Variants in ST18 observed in about 807,000 individuals in gnomAD.
ST18 encodes ST18 C2H2C-type zinc finger transcription factor, also known as suppression of tumorigenicity 18 protein.
In ST18, 50 loss-of-function variants were observed where a neutral mutation model predicts 110.0. The ratio of observed to expected loss-of-function variants is 0.45; its 90% CI spans 0.36 to 0.58. ST18 has a LOEUF of 0.58. ST18 is among the 20% of genes least tolerant of loss of function. ST18 has a pLI of 0.00. For synonymous variants in ST18, 461 were observed against 452.4 expected, an observed-to-expected ratio of 1.02 and a Z score of -0.24; for missense variants, 1,306 against 1,280.1, an observed-to-expected ratio of 1.02 and a Z score of -0.31.
rs1169024897 is a variant in ST18 at position 52,363,584 on chromosome 8, A to G, written c.-465+45744T>C. Among the ~76,000 whole-genome samples the G allele has an allele frequency of 2.0e-5, 3 of 152,218 alleles. No homozygotes were observed. In the East Asian group the frequency reaches 5.8e-4, roughly 29 times the overall value. On this transcript the variant is annotated intron_variant, in intron 2 of 25. Transcript: ENST00000689386. Reference sequence around the variant, plus strand: ...TTTATCATAATATTGGAATTGGCTTATAATTTTTTATCTAGCAGTGCCTTT... The same window carrying G: ...TTTATCATAATATTGGAATTGGCTTGTAATTTTTTATCTAGCAGTGCCTTT...
chr8:52,402,188 A>G (rs1842993693), intron 2 of ST18, among the ~76,000 whole-genome samples: 1 of 152,192 alleles, frequency 6.6e-6, no homozygotes, highest in Non-Finnish European at 1.5e-5. Flanking sequence ...CATTTTCCCC[A>G]CAGTGGGCAC....
At chr8:52,180,712 A>T (rs933211714) in intron 8 of ST18, among the ~76,000 whole-genome samples, 1 of 152,220 alleles carries the variant, frequency 6.6e-6, no homozygotes, top group Non-Finnish European at 1.5e-5. Context: ...AAGATTTTTC[A>T]AATAATTGTT....
chr8:52,324,965 T>C (rs1372044212), intron 2 of ST18, among the ~76,000 whole-genome samples: 4 of 152,230 alleles, frequency 2.6e-5, no homozygotes, highest in African/African-American at 9.6e-5. Context: ...GAAAAATAAG[T>C]TGGACATTTG....
chr8:52,385,162 T>C (rs1467131421), intron 2 of ST18, among the ~76,000 whole-genome samples: 1 of 152,190 alleles, frequency 6.6e-6, no homozygotes, highest in Non-Finnish European at 1.5e-5. Flanking sequence ...GAACTAGAAA[T>C]ACAGAATGTA....
intron 2 of ST18, among the ~76,000 whole-genome samples, chr8:52,264,215 T>C (rs16917601): frequency 0.039 from 5,882 of 152,298 alleles, 399 homozygotes; most frequent in African/African-American, 0.13. Flanking sequence ...TAGGGTATGG[T>C]GTCCTAATTC....
intron 2 of ST18, among the ~76,000 whole-genome samples, chr8:52,318,096 C>T (rs2096062047): frequency 6.6e-6 from 1 of 152,010 alleles, no homozygotes; most frequent in Admixed American, 6.6e-5. Context: ...AATGCACAAC[C>T]TACAGAATGG....
chr8:52,208,297 T>C (rs1321381021), intron 8 of ST18, among the ~76,000 whole-genome samples: 2 of 152,194 alleles, frequency 1.3e-5, no homozygotes, highest in African/African-American at 4.8e-5. Context: ...AAAATAGCCA[T>C]AACTTTTACA....
At chr8:52,296,761 T>C (rs1235338648) in intron 2 of ST18, among the ~76,000 whole-genome samples, 2 of 152,120 alleles carry the variant, frequency 1.3e-5, no homozygotes, top group Non-Finnish European at 2.9e-5. Context: ...AATCAGACAA[T>C]GATTTATTAA....
At chr8:52,226,918 CT>C (rs1588894942) in intron 3 of ST18, among the ~76,000 whole-genome samples, 3 of 152,112 alleles carry the variant, frequency 2.0e-5, no homozygotes, top group African/African-American at 7.2e-5. Flanking sequence ...TTAATAGGTT[CT>C]TTGGAATTTT....
At chr8:52,137,335 T>TAATA in intron 18 of ST18, 86 bp downstream of exon 18, 8 of 1,404,084 alleles carry the variant, frequency 5.7e-6, no homozygotes, top group Non-Finnish European at 7.9e-6. Context: ...CTGCTTCAGA[T>TAATA]AATACATGGA....
intron 2 of ST18, among the ~76,000 whole-genome samples, chr8:52,380,852 T>A (rs1019461573): frequency 6.6e-6 from 1 of 152,182 alleles, no homozygotes; most frequent in Non-Finnish European, 1.5e-5. Context: ...TGACTATGAA[T>A]GAATGAATCC....
intron 9 of ST18, among the ~76,000 whole-genome samples, chr8:52,178,111 G>A (rs776061790): frequency 3.3e-5 from 5 of 152,150 alleles, no homozygotes; most frequent in Non-Finnish European, 7.3e-5. Flanking sequence ...TATCAAACAT[G>A]TACAGTGGTC....
intron 16 of ST18, among the ~76,000 whole-genome samples, chr8:52,143,974 T>C (rs1490768591): frequency 1.3e-5 from 2 of 152,230 alleles, no homozygotes; most frequent in African/African-American, 2.4e-5. Context: ...AAATTACTTC[T>C]TTTGCTAAAT....
At chr8:52,236,610 T>TAAA (rs2092710888) in intron 2 of ST18, among the ~76,000 whole-genome samples, 1 of 72,462 alleles carries the variant, frequency 1.4e-5, no homozygotes, top group African/African-American at 5.8e-5. Flanking sequence ...AAATTCCACC[T>TAAA]CAAAAAAAAA....
intron 2 of ST18, among the ~76,000 whole-genome samples, chr8:52,381,972 AAC>A (rs756173059): frequency 0.082 from 1,881 of 22,824 alleles, 23 homozygotes; most frequent in Middle Eastern, 0.4. Context: ...TGCATTAAAA[AAC>A]AAAAAAAAAC....
At chr8:52,311,735 G>A (rs2095915025) in intron 2 of ST18, among the ~76,000 whole-genome samples, 1 of 152,138 alleles carries the variant, frequency 6.6e-6, no homozygotes, top group Non-Finnish European at 1.5e-5. Flanking sequence ...CAGATCTTGT[G>A]ATAACTCACT....
At chr8:52,212,465 A>T (rs1417840825) in intron 7 of ST18, among the ~76,000 whole-genome samples, 1 of 152,208 alleles carries the variant, frequency 6.6e-6, no homozygotes, top group East Asian at 1.9e-4. Context: ...TCCCAAGATT[A>T]TATCTTTATT....
At chr8:52,279,987 TCA>T (rs2095344715) in intron 2 of ST18, among the ~76,000 whole-genome samples, 1 of 152,044 alleles carries the variant, frequency 6.6e-6, no homozygotes, top group Admixed American at 6.6e-5. Flanking sequence ...AGAATAAGAC[TCA>T]CACCTTATTT....
intron 2 of ST18, among the ~76,000 whole-genome samples, chr8:52,276,500 T>C (rs967425238): frequency 6.6e-6 from 1 of 152,068 alleles, no homozygotes; most frequent in African/African-American, 2.4e-5. Flanking sequence ...CCAGTTCTTT[T>C]AGGAAAATTA....
Sources: allele counts gnomAD v4.1 joint callset (sites outside exome capture counted in the v4.1 genomes callset), GRCh38; gene constraint gnomAD v4.1.1; transcripts MANE v1.5; gene names NCBI Gene and HGNC (gene_info 2026-07-23, HGNC 2026-07-21).